BAIAP2L1: variants seen among roughly 807,000 people sequenced by gnomAD.
BAIAP2L1 encodes the protein BAR/IMD domain containing adaptor protein 2 like 1, also known as BAR/IMD domain-containing adapter protein 2-like 1.
A neutral mutation model predicts 66.3 loss-of-function variants in BAIAP2L1; 35 were observed. That is an observed-to-expected ratio of 0.53 (90% CI 0.40 to 0.70). The LOEUF is 0.70. Among genes scored for constraint, BAIAP2L1 ranks in the 30% least tolerant of loss-of-function variants. The pLI is 0.00. For missense variants in BAIAP2L1, 622 were observed against 656.9 expected (o/e 0.95, Z 0.58); for synonymous variants, 269 against 248.7 (o/e 1.08, Z -0.77).
At chr7:98,359,684 C>A (rs933106107) in intron 2 of BAIAP2L1, among the ~76,000 whole-genome samples, 3 of 151,966 alleles carry the variant, frequency 2.0e-5, no homozygotes, top group Non-Finnish European at 4.4e-5. Context: ...CAACCCACAC[C>A]ACTCAAATTC....
At position 98,293,608 on chromosome 7, in the gene BAIAP2L1, A is replaced by G. The variant is rs753741284; in HGVS notation, c.1461-12T>C. ...AGGGGTTTTCTCCGCTGCAGGGGAT[A>G]AGAAAAATCTTTCAGAACTTCTGCT... On this transcript the variant is annotated splice_polypyrimidine_tract_variant and intron_variant, in intron 13 of 13. Transcript: ENST00000005260. The G allele has an allele frequency of 1.2e-6, 2 of 1,610,874 alleles. No individual in the cohort carries two copies. Among genetic ancestry groups the G allele is most frequent in the South Asian group, 1.1e-5 (1 of 91,036 alleles).
intron 9 of BAIAP2L1, 132 bp from the exon 10 acceptor site, chr7:98,308,028 G>C (rs777189869): frequency 2.3e-6 from 2 of 874,542 alleles, no homozygotes; most frequent in African/African-American, 3.3e-5. Flanking sequence ...AACTGACCCT[G>C]TCCTATTTCC....
At chr7:98,354,913 C>T (rs753760098) in intron 3 of BAIAP2L1, 129 bp downstream of exon 3, 13 of 706,238 alleles carry the variant, frequency 1.8e-5, no homozygotes, top group Non-Finnish European at 3.3e-5. Context: ...CCACAGACCG[C>T]GGTGAAGTAG....
Position 98,293,150 on chromosome 7 carries a change from C to A in BAIAP2L1, c.*371G>T. ...ATGCTTTATAAAATAAAACTGGTCT[C>A]ATTCATATCAGGTGCAGAAAGCCAG... On this transcript the variant is annotated 3_prime_UTR_variant, in exon 14 of 14. Transcript: ENST00000005260. 3.1e-6 allele frequency: 1 copy of A among 318,498 alleles called. No homozygotes were observed. Among genetic ancestry groups the A allele is most frequent in the Admixed American group, 5.3e-5 (1 of 19,018 alleles). 19.7% of individuals were successfully genotyped at this position (318,498 alleles called of 1,614,324 possible). A position where few individuals can be genotyped will look rare whatever the true frequency, so the allele number is the denominator to read the frequency against.
intron 12 of BAIAP2L1, among the ~76,000 whole-genome samples, chr7:98,302,080 G>A (rs1019366370): frequency 3.3e-5 from 5 of 152,194 alleles, no homozygotes; most frequent in Non-Finnish European, 5.9e-5. Context: ...TCCAGCCAAC[G>A]AAGAGGTTTA....
chr7:98,318,870 G>A (rs1445490993), intron 5 of BAIAP2L1, among the ~76,000 whole-genome samples: 1 of 151,198 alleles, frequency 6.6e-6, no homozygotes, highest in Non-Finnish European at 1.5e-5. Flanking sequence ...CTGGAACCCA[G>A]GAGGCGGAGG....
At position 98,386,151 on chromosome 7, in the gene BAIAP2L1, G is replaced by A. The variant is rs1020739762; in HGVS notation, c.51+14651C>T. On this transcript the variant is annotated intron_variant, in intron 1 of 13. Coordinates refer to ENST00000005260, the MANE Select transcript of BAIAP2L1 (RefSeq NM_018842.5). Reference sequence around the variant, plus strand: ...AAGAGGTCTTCCGTATCTGATTGTTGCGTTTTTTAGTAAAACCAACACAGA... The same window carrying A: ...AAGAGGTCTTCCGTATCTGATTGTTACGTTTTTTAGTAAAACCAACACAGA... 2.3e-5 allele frequency: 36 copies of A among 1,589,460 alleles called. No individual in the cohort carries two copies. In the African/African-American group the frequency reaches 4.4e-4, roughly 19 times the overall value.
chr7:98,322,499 A>C (rs1801277107), intron 3 of BAIAP2L1, among the ~76,000 whole-genome samples: 1 of 152,146 alleles, frequency 6.6e-6, no homozygotes, highest in Non-Finnish European at 1.5e-5. Flanking sequence ...TGGGGATAGG[A>C]GGCCATCATC....
In BAIAP2L1 at chr7:98,293,122, C is replaced by A; in HGVS notation, c.*399G>T. 2.5e-6 allele frequency: 1 copy of A among 393,700 alleles called. No individual in the cohort carries two copies. Among genetic ancestry groups the A allele is most frequent in the Non-Finnish European group, 3.7e-6 (1 of 270,870 alleles). 24.4% of individuals were successfully genotyped at this position (393,700 alleles called of 1,614,324 possible). On this transcript the variant is annotated 3_prime_UTR_variant, in exon 14 of 14. Transcript: ENST00000005260. ...TCTTTAGACATAATGCTATTAAGAG[C>A]ACATGCTTTATAAAATAAAACTGGT...
Position 98,400,927 on chromosome 7 carries a change from A to G in BAIAP2L1, c.-75T>C, listed in dbSNP as rs1803356028. 1 of 1,410,300 alleles carries G rather than the reference A, an allele frequency of 7.1e-7. No individual in the cohort carries two copies. The highest frequency in any genetic ancestry group is 9.3e-7 in the Non-Finnish European group (1 of 1,074,698). The allele number at this position is 1,410,300 out of a possible 1,614,324, so 87.4% of individuals were successfully genotyped here. On this transcript the variant is annotated 5_prime_UTR_variant, in exon 1 of 14. Transcript: ENST00000005260. ...TGGCCGCCGGACTCCGGGCAGCGGG[A>G]GGGCCGGGGCGCGACTAAGGGGCTC...
intron 1 of BAIAP2L1, chr7:98,386,647 T>C: frequency 7.2e-7 from 1 of 1,385,130 alleles, no homozygotes; most frequent in South Asian, 1.2e-5. Flanking sequence ...CCGAGAACTT[T>C]TTTTTGTCTC....
intron 1 of BAIAP2L1, among the ~76,000 whole-genome samples, chr7:98,380,742 T>G (rs1301208826): frequency 2.0e-5 from 3 of 149,638 alleles, no homozygotes; most frequent in African/African-American, 4.9e-5. Flanking sequence ...GTCCGTTTTT[T>G]TTTTTTTTTT....
intron 12 of BAIAP2L1, among the ~76,000 whole-genome samples, chr7:98,298,006 G>A (rs1800261016): frequency 6.6e-6 from 1 of 152,154 alleles, no homozygotes; most frequent in Non-Finnish European, 1.5e-5. Context: ...CAAGGCAGGA[G>A]GACTGCCTGA....
chr7:98,316,218 AC>A (rs1801071670), intron 6 of BAIAP2L1, among the ~76,000 whole-genome samples: 1 of 151,716 alleles, frequency 6.6e-6, no homozygotes, highest in African/African-American at 2.4e-5. Context: ...CTTCCCTTCC[AC>A]CATGATTGTG....
chr7:98,370,527 C>A (rs1304292318), intron 1 of BAIAP2L1, among the ~76,000 whole-genome samples: 9 of 151,680 alleles, frequency 5.9e-5, no homozygotes, highest in Admixed American at 5.9e-4. Flanking sequence ...TTTTTTGAGA[C>A]AGAGTCTCGC....
At chr7:98,296,728 G>A (rs1267876856) in intron 12 of BAIAP2L1, among the ~76,000 whole-genome samples, 2 of 152,220 alleles carry the variant, frequency 1.3e-5, no homozygotes, top group Non-Finnish European at 2.9e-5. Flanking sequence ...ATGTTTCTCA[G>A]GGACCTGAAA....
intron 1 of BAIAP2L1, among the ~76,000 whole-genome samples, chr7:98,363,035 T>C (rs796902270): frequency 0.38 from 50,341 of 131,478 alleles, 10,537 homozygotes; most frequent in Middle Eastern, 0.5. Context: ...TTCTTTTTTT[T>C]TTTTTTTTTT....
intron 1 of BAIAP2L1, among the ~76,000 whole-genome samples, chr7:98,369,906 A>G (rs779115530): frequency 1.9e-4 from 29 of 152,032 alleles, no homozygotes; most frequent in Non-Finnish European, 3.5e-4. Flanking sequence ...TCCTGACCGC[A>G]AGTGATTCAT....
chr7:98,364,030 A>T (rs549715654), intron 1 of BAIAP2L1, among the ~76,000 whole-genome samples: 31 of 127,812 alleles, frequency 2.4e-4, no homozygotes, highest in South Asian at 9.3e-4. Flanking sequence ...TTTTTTTTTT[A>T]AATATTCTTG....
Sources: gnomAD v4.1 joint callset for allele counts (sites outside exome capture counted in the v4.1 genomes callset) on GRCh38, gnomAD v4.1.1 for gene constraint, MANE v1.5 for transcripts, NCBI Gene and HGNC (gene_info 2026-07-23, HGNC 2026-07-21) for gene names.